SRMS: variants seen among roughly 807,000 people sequenced by gnomAD.
The protein encoded by SRMS is src-related kinase lacking C-terminal regulatory tyrosine and N-terminal myristylation sites, also known as tyrosine-protein kinase Srms.
Under a neutral mutation model 43.5 loss-of-function variants are expected in SRMS, and 42 were observed. That is an observed-to-expected ratio of 0.97 (90% confidence interval 0.75 to 1.25). The LOEUF (loss-of-function observed/expected upper bound fraction) is 1.25. SRMS is among the 50% of genes most tolerant of loss of function. The probability of loss-of-function intolerance (pLI) is 0.00; values close to 1 mark genes in which losing one functional copy is unlikely to be tolerated. For missense variants in SRMS, 703 were observed against 681.0 expected (o/e 1.03, Z -0.36); for synonymous variants, 316 against 308.2 (o/e 1.03, Z -0.27).
chr20:63,540,123 G>A lies in SRMS; in HGVS notation c.*695C>T, dbSNP rs1175612632. 3.3e-5 allele frequency among the ~76,000 whole-genome samples: 5 copies of A among 152,226 alleles called. No homozygotes were observed. The highest frequency in any genetic ancestry group is 2.9e-5 in the Non-Finnish European group (2 of 68,042). ...GGGGCTGAGCCTGTGTGTGATGTGC[G>A]CCTGTGTGCGTGTCTGAGTGGGTCA... On this transcript the variant is annotated 3_prime_UTR_variant, in exon 8 of 8. Transcript: ENST00000217188.
chr20:63,540,885 G>T lies in SRMS; in HGVS notation c.1400C>A (p.Pro467His). 6.2e-7 allele frequency: 1 copy of T among 1,606,326 alleles called. No homozygotes were observed. Residue 467 changes from proline to histidine, a missense_variant, in exon 8 of 8, where the codon CCC (proline) becomes CAC (histidine). Pro to His is a moderately conservative substitution (Grantham distance 77). Transcript: ENST00000217188. ...VLMLECWRSS[P>H]EERPSFATLR... ...CGTGGCGAAGGAGGGCCGTTCCTCG[G>T]GGCTGCTCCTCCAGCACTCCAGCAT...
At chr20:63,543,696 G>T (rs1015439945) in intron 2 of SRMS, 3 of 577,590 alleles carry the variant, frequency 5.2e-6, no homozygotes, top group Non-Finnish European at 9.1e-6. Flanking sequence ...TTCTGCTGAC[G>T]GTGTGCACAG....
chr20:63,544,698 C>T (rs1227999168), intron 1 of SRMS, among the ~76,000 whole-genome samples: 1 of 152,256 alleles, frequency 6.6e-6, no homozygotes, highest in East Asian at 1.9e-4. Context: ...TTCGCTGAGC[C>T]CCTGCACAGA....
At chr20:63,543,956 G>T (rs1240428332) in intron 2 of SRMS, among the ~76,000 whole-genome samples, 1 of 149,216 alleles carries the variant, frequency 6.7e-6, no homozygotes, top group Non-Finnish European at 1.5e-5. Context: ...ACGAGTGAAT[G>T]AGATGAATGG....
chr20:63,546,948 G>T (rs1263062665), intron 1 of SRMS, among the ~76,000 whole-genome samples, 160 bp downstream of exon 1: 1 of 152,244 alleles, frequency 6.6e-6, no homozygotes, highest in Non-Finnish European at 1.5e-5. Context: ...CACACCTGCC[G>T]GCCCGGGGCC....
In SRMS at chr20:63,541,425, G is replaced by A; in HGVS notation, c.1128+14C>T. ...CCACCCCCTCTGGGTCAGGGGCCCA[G>A]AGCCTCCGCTGACCTTGAGCAGCCG... is the stretch of plus-strand genomic sequence containing the variant. On this transcript the variant is annotated intron_variant, in intron 6 of 7. Coordinates refer to ENST00000217188, the MANE Select transcript of SRMS (RefSeq NM_080823.4). The A allele has an allele frequency of 6.3e-7, 1 of 1,590,430 alleles. No homozygotes were observed. Among genetic ancestry groups the A allele is most frequent in the African/African-American group, 1.3e-5 (1 of 74,790 alleles).
At chr20:63,545,186 G>T (rs1485842332) in intron 1 of SRMS, among the ~76,000 whole-genome samples, 2 of 152,118 alleles carry the variant, frequency 1.3e-5, no homozygotes, top group Non-Finnish European at 2.9e-5. Flanking sequence ...CGCCCACCAG[G>T]TCACATCTAC....
intron 3 of SRMS, among the ~76,000 whole-genome samples, chr20:63,543,054 G>C (rs1453054569): frequency 6.6e-6 from 1 of 152,190 alleles, no homozygotes. Context: ...CTCCCCTGCA[G>C]AGCTGGGCAC....
rs554446780 is a variant in SRMS at position 63,539,359 on chromosome 20, G to A, written c.*1459C>T. Among the ~76,000 whole-genome samples the A allele has an allele frequency of 7.5e-4, 114 of 152,332 alleles. No individual in the cohort carries two copies. Among genetic ancestry groups the A allele is most frequent in the Middle Eastern group, 6.8e-3 (2 of 294 alleles). On this transcript the variant is annotated 3_prime_UTR_variant, in exon 8 of 8. Coordinates refer to ENST00000217188, the MANE Select transcript of SRMS (RefSeq NM_080823.4). ...CCCGGGGCCACCTGTCTCTGCACAC[G>A]GGAGTCTCATCTCTTAGCTCCCTCC...
At chr20:63,544,412 C>T in intron 1 of SRMS, 64 bp from the exon 2 acceptor site, 2 of 1,405,092 alleles carry the variant, frequency 1.4e-6, no homozygotes, top group South Asian at 3.0e-5. Context: ...ACATGCTCTC[C>T]TCCGTGTTGC....
At position 63,547,527 on chromosome 20, in the gene SRMS, G is replaced by T; in HGVS notation, c.-64C>A. On this transcript the variant is annotated 5_prime_UTR_variant, in exon 1 of 8. Coordinates refer to ENST00000217188, the MANE Select transcript of SRMS (RefSeq NM_080823.4). ...GCCCGCGAGCCCGGAAGAGGAACTG[G>T]CAGGGCCGGTGGGACCCGGTGTCCA... is the stretch of plus-strand genomic sequence containing the variant. 2 of 1,399,152 alleles carry T rather than the reference G, an allele frequency of 1.4e-6. No individual in the cohort carries two copies. The highest frequency in any genetic ancestry group is 5.5e-5 in the East Asian group (2 of 36,622). The allele number at this position is 1,399,152 out of a possible 1,614,324, so 86.7% of individuals were successfully genotyped here.
chr20:63,542,734 T>G (rs2082711796), intron 3 of SRMS, among the ~76,000 whole-genome samples, 153 bp from the exon 4 acceptor site: 1 of 152,030 alleles, frequency 6.6e-6, no homozygotes, highest in South Asian at 2.1e-4. Context: ...GGTGCCAGGC[T>G]TGGAGGCCCG....
chr20:63,542,017 A>C (rs534073845), intron 5 of SRMS, 146 bp downstream of exon 5: 1 of 1,171,950 alleles, frequency 8.5e-7, no homozygotes, highest in Admixed American at 2.8e-5. Flanking sequence ...GAGACCAGAC[A>C]GGGATGGGAT....
rs370726536 is a variant in SRMS, at chr20:63,542,258, C to G, written c.851G>C (p.Arg284Pro). The change falls in exon 5 of 8, where the codon CGG (arginine) becomes CCG (proline). Residue 284 changes from arginine (R) to proline (P), a missense_variant. By Grantham distance (103) the Arg-to-Pro change is moderately radical. Coordinates refer to ENST00000217188, the MANE Select transcript of SRMS (RefSeq NM_080823.4). ...GCACACTGCGTGCAGCCGGATGAGCCGCTCGTGCCGCAGGCCCTTCAGTGT... is the reference window on the plus strand; with the variant it reads ...GCACACTGCGTGCAGCCGGATGAGCGGCTCGTGCCGCAGGCCCTTCAGTGT... ...IQTLKGLRHE[R>P]LIRLHAVCSG... is the part of the protein sequence containing the mutation. The G allele has an allele frequency of 2.4e-5, 39 of 1,612,688 alleles. 1 individual carries two copies. The South Asian group carries it at 4.0e-4, about 16-fold the overall frequency.
rs1174510852 is a variant in SRMS at position 63,547,580 on chromosome 20, CAG to C, written c.-119_-118del. On this transcript the variant is annotated 5_prime_UTR_variant, in exon 1 of 8. Coordinates refer to ENST00000217188, the MANE Select transcript of SRMS (RefSeq NM_080823.4). ...GCTCCCTGCCCTGGCCGTGGGGTGA[CAG>C]GGGACCCCGGCCCTGCGGTCACTCA... 3 of 981,692 alleles carry C rather than the reference CAG, an allele frequency of 3.1e-6. No individual in the cohort carries two copies. In the African/African-American group the frequency reaches 5.2e-5, roughly 17 times the overall value. The allele number at this position is 981,692 out of a possible 1,614,324, so 60.8% of individuals were successfully genotyped here. A position where few individuals can be genotyped will look rare whatever the true frequency, so the allele number is the denominator to read the frequency against.
At chr20:63,546,992 C>T (rs1395544007) in intron 1 of SRMS, 116 bp downstream of exon 1, 52 of 985,576 alleles carry the variant, frequency 5.3e-5, no homozygotes, top group South Asian at 7.2e-5. Flanking sequence ...CGTGGATGAA[C>T]GAATGAATGA....
rs1220981031 is a variant in SRMS at position 63,539,674 on chromosome 20, G to C, written c.*1144C>G. On this transcript the variant is annotated 3_prime_UTR_variant, in exon 8 of 8. Transcript: ENST00000217188. The stretch of plus-strand genomic sequence containing the variant: ...CCCTGAGCCAGACGTGGGGAGACGA[G>C]GGCGGACCCTGCACATCCCTGCCCC... Among the ~76,000 whole-genome samples, 2 of 152,144 alleles carry C rather than the reference G, an allele frequency of 1.3e-5. No homozygotes were observed. The highest frequency in any genetic ancestry group is 6.5e-5 in the Admixed American group (1 of 15,278).
rs1230302608 is a variant in SRMS at position 63,543,418 on chromosome 20, G to A, written c.541C>T (p.Leu181=). The A allele has an allele frequency of 2.5e-6, 4 of 1,612,858 alleles. No individual in the cohort carries two copies. Among genetic ancestry groups the A allele is most frequent in the Non-Finnish European group, 3.4e-6 (4 of 1,179,970 alleles). ...VSMAADGSLY[L]QKGRLFPGLE... The stretch of plus-strand genomic sequence containing the variant: ...CCGGGAAAGAGCCGTCCCTTCTGCA[G>A]GTAGAGGCTGCCATCAGCTGCCATG... Residue 181 remains leucine (L), a synonymous_variant, in exon 3 of 8, where the codon CTG becomes TTG. Transcript: ENST00000217188.
At position 63,540,589 on chromosome 20, in the gene SRMS, G is replaced by A. The variant is rs556768321; in HGVS notation, c.*229C>T. On this transcript the variant is annotated 3_prime_UTR_variant, in exon 8 of 8. Coordinates refer to ENST00000217188, the MANE Select transcript of SRMS (RefSeq NM_080823.4). ...TCTGCACGAGTCACACTGCATGGGG[G>A]ACGTCAGCCCCAGCCCTCCGTCTGC... Among the ~76,000 whole-genome samples the A allele has an allele frequency of 5.3e-5, 8 of 151,116 alleles. No homozygotes were observed. Among genetic ancestry groups the A allele is most frequent in the Admixed American group, 4.0e-4 (6 of 15,154 alleles).
Sources: gnomAD v4.1 joint callset for allele counts (sites outside exome capture counted in the v4.1 genomes callset) on GRCh38, gnomAD v4.1.1 for gene constraint, MANE v1.5 for transcripts, NCBI Gene and HGNC (gene_info 2026-07-23, HGNC 2026-07-21) for gene names.